The following TRRAP variants were observed in gnomAD, a reference collection of about 807,000 sequenced individuals.
TRRAP encodes the protein transformation/transcription domain associated protein.
In TRRAP, 41 loss-of-function variants were observed where a neutral mutation model predicts 438.8. The observed-to-expected ratio is 0.09, with a 90% CI of 0.07 to 0.12. The LOEUF (loss-of-function observed/expected upper bound fraction) is 0.12, where lower values mean the gene tolerates loss of function less well. Among genes scored for constraint, TRRAP ranks in the 10% least tolerant of loss-of-function variants. The pLI, the probability that TRRAP is intolerant of heterozygous loss-of-function variation, is 1.00. For synonymous variants in TRRAP, 1,994 were observed against 1,962.9 expected, an observed-to-expected ratio of 1.02 and a Z score of -0.42; for missense variants, 3,122 against 5,055.1, an observed-to-expected ratio of 0.62 and a Z score of 11.60.
Position 98,931,422 on chromosome 7 carries a change from C to T in TRRAP, c.3609C>T (p.Val1203=), listed in dbSNP as rs201815853. ...DLTGEVSNGA[V]AMAKTTLEQL... ...ACTTGCAGGTTTCCAATGGGGCAGT[C>T]GCTATGGCAAAGACCACGCTGGAGC... Residue 1203 remains valine, a synonymous_variant, in exon 26 of 73, where the codon GTC becomes GTT. Transcript: ENST00000456197. 2.2e-5 allele frequency: 35 copies of T among 1,613,784 alleles called. No homozygotes were observed. In the East Asian group the frequency reaches 3.1e-4, roughly 14 times the overall value.
At chr7:98,885,887 C>T (rs781987972) in intron 3 of TRRAP, among the ~76,000 whole-genome samples, 3 of 152,074 alleles carry the variant, frequency 2.0e-5, no homozygotes, top group Non-Finnish European at 4.4e-5. Context: ...AATATCTGAC[C>T]CTTTTGAGGT....
At chr7:99,006,121 T>C (rs190108534) in intron 69 of TRRAP, among the ~76,000 whole-genome samples, 413 of 152,222 alleles carry the variant, frequency 2.7e-3, no homozygotes, top group Middle Eastern at 6.8e-3. Flanking sequence ...CTGAATGAAG[T>C]CTTTGTCACT....
At chr7:98,889,807 G>A (rs913548504) in intron 3 of TRRAP, among the ~76,000 whole-genome samples, 6 of 151,992 alleles carry the variant, frequency 3.9e-5, no homozygotes, top group South Asian at 2.1e-4. Context: ...CTCCTGCCTC[G>A]GCCTCCCAAA....
rs1444799421 is a variant in TRRAP, at chr7:98,994,664, T to C, written c.10125T>C (p.Ala3375=). 1 of 1,614,206 alleles carries C rather than the reference T, an allele frequency of 6.2e-7. No individual in the cohort carries two copies. The highest frequency in any genetic ancestry group is 8.5e-7 in the Non-Finnish European group (1 of 1,180,038). The change falls in exon 67 of 73, where the codon GCT becomes GCC. Residue 3375 remains alanine, a synonymous_variant. Transcript: ENST00000456197. The surrounding 1 kb of genome is among the most constrained non-coding windows in gnomAD (Gnocchi z 4.8). ...AFEKSGAVSD[A]KITPHTLNFV... is the part of the protein sequence containing the mutation. Reference sequence around the variant, plus strand: ...AGAAAAGTGGAGCGGTGTCCGATGCTAAAATCACCCCCCACACTCTCAATT... The same window carrying C: ...AGAAAAGTGGAGCGGTGTCCGATGCCAAAATCACCCCCCACACTCTCAATT...
At chr7:98,996,251 C>T (rs543924573) in intron 67 of TRRAP, among the ~76,000 whole-genome samples, 9 of 152,194 alleles carry the variant, frequency 5.9e-5, no homozygotes, top group East Asian at 3.9e-4. Flanking sequence ...CCACATCCAC[C>T]GCGGTGCGCA....
rs552900006 is a variant in TRRAP at position 98,917,745 on chromosome 7, C to G, written c.2622+66C>G. The G allele has an allele frequency of 2.6e-4, 410 of 1,570,060 alleles. 3 individuals are homozygous for G. The South Asian group carries it at 4.6e-3, about 18-fold the overall frequency. ...AAGCAGTGGGCCGTCATTGGGTTCT[C>G]TGTACTCAAGAGTGGGCTCTGCAAG... is the stretch of plus-strand genomic sequence containing the variant. On this transcript the variant is annotated intron_variant, in intron 20 of 72. Transcript: ENST00000456197.
At chr7:98,911,583 A>G (rs1441444829) in intron 17 of TRRAP, among the ~76,000 whole-genome samples, 2 of 152,108 alleles carry the variant, frequency 1.3e-5, no homozygotes, top group African/African-American at 2.4e-5. Flanking sequence ...CTGGGCAACA[A>G]TGGTGAAACC....
chr7:98,951,078 TG>T, intron 39 of TRRAP, 74 bp downstream of exon 39: 3 of 1,310,102 alleles, frequency 2.3e-6, no homozygotes, highest in Non-Finnish European at 2.0e-6. Flanking sequence ...TGTGTGTGTG[TG>T]TGTGTGTGTG....
intron 3 of TRRAP, among the ~76,000 whole-genome samples, chr7:98,886,650 GA>G (rs1280439898): frequency 2.0e-5 from 3 of 152,104 alleles, no homozygotes; most frequent in African/African-American, 7.2e-5. Context: ...TTAAATACTA[GA>G]ATGACCATCA....
At chr7:98,997,117 C>T (rs953823361) in intron 67 of TRRAP, among the ~76,000 whole-genome samples, 2 of 151,808 alleles carry the variant, frequency 1.3e-5, no homozygotes, top group African/African-American at 4.8e-5. Context: ...ACCAGCCTGA[C>T]CAACATGGTG....
At chr7:98,954,367 T>G (rs1554418996) in intron 40 of TRRAP, among the ~76,000 whole-genome samples, 2 of 152,244 alleles carry the variant, frequency 1.3e-5, no homozygotes, top group African/African-American at 2.4e-5. Flanking sequence ...TCACTGATAG[T>G]TCTTCTGTGA....
At chr7:98,931,230 G>T (rs1306578187) in intron 25 of TRRAP, among the ~76,000 whole-genome samples, 175 bp from the exon 26 acceptor site, 10 of 152,202 alleles carry the variant, frequency 6.6e-5, no homozygotes, top group Admixed American at 6.5e-4. Flanking sequence ...TTTCTGATTA[G>T]GTGACTTAGG....
intron 40 of TRRAP, among the ~76,000 whole-genome samples, chr7:98,953,905 A>G (rs1554418895): frequency 6.6e-6 from 1 of 151,850 alleles, no homozygotes; most frequent in South Asian, 2.1e-4. Context: ...CCCCATTCCC[A>G]CTCTGCTCTC....
intron 9 of TRRAP, 80 bp from the exon 10 acceptor site, chr7:98,899,599 T>C: frequency 1.2e-6 from 2 of 1,604,122 alleles, no homozygotes; most frequent in Non-Finnish European, 1.7e-6. Context: ...TGCTAAATAA[T>C]GTGATGATTC....
In TRRAP at chr7:98,948,187, C is replaced by T. The variant is rs782646603; in HGVS notation, c.4549-34C>T. 60 of 1,612,390 alleles carry T rather than the reference C, an allele frequency of 3.7e-5. No individual in the cohort carries two copies. The highest frequency in any genetic ancestry group is 2.7e-4 in the East Asian group (12 of 44,890). ...GACCTCTGTCACTTGCAAAATTAAT[C>T]GACCTGTTTATAATTTCTGGTTTTC... On this transcript the variant is annotated intron_variant, in intron 33 of 72. Transcript: ENST00000456197. The surrounding 1 kb of genome is among the most constrained non-coding windows in gnomAD (Gnocchi z 4.9).
chr7:98,958,559 C>CA (rs1327855283), intron 44 of TRRAP, among the ~76,000 whole-genome samples: 1 of 152,128 alleles, frequency 6.6e-6, no homozygotes, highest in African/African-American at 2.4e-5. Context: ...CTTGGCCTCC[C>CA]AAAGTGCTGG....
At chr7:98,902,267 G>A (rs1796505443) in intron 11 of TRRAP, among the ~76,000 whole-genome samples, 1 of 152,108 alleles carries the variant, frequency 6.6e-6, no homozygotes, top group Admixed American at 6.6e-5. Context: ...GAGACTGTAT[G>A]GTGGATTTTT....
rs185878177 is a variant in TRRAP, at chr7:98,959,570, A to G, written c.6489+80A>G. ...ACTGTCACCTGGGCAGGGACTGGAC[A>G]TTTGTGGATCACTCTGACCCTTATG... is the stretch of plus-strand genomic sequence containing the variant. On this transcript the variant is annotated intron_variant, in intron 45 of 72. Transcript: ENST00000456197. The G allele has an allele frequency of 1.0e-5, 16 of 1,550,410 alleles. No individual in the cohort carries two copies. In the South Asian group the frequency reaches 1.5e-4, roughly 14 times the overall value.
rs557385921 is a variant in TRRAP, at chr7:98,925,145, G to T, written c.2857G>T (p.Ala953Ser). The change falls in exon 22 of 73, where the codon GCC (alanine) becomes TCC (serine). Residue 953 changes from alanine to serine, a missense_variant. Ala to Ser is a moderately conservative substitution (Grantham distance 99). This residue lies in a region of TRRAP where 133 missense variants were observed against 188.6 expected (regional missense o/e 0.71). Coordinates refer to ENST00000456197, the MANE Select transcript of TRRAP (RefSeq NM_001375524.1). ...IETALDCLKS[A>S]NTEPYYRRQA... ...AACTGCTCTGGACTGCCTGAAAAGC[G>T]CCAACACTGAGCCCTACTACCGGAG... The T allele has an allele frequency of 6.2e-7, 1 of 1,614,040 alleles. No homozygotes were observed. The highest frequency in any genetic ancestry group is 1.3e-5 in the African/African-American group (1 of 74,926).
Sources: gnomAD v4.1 joint callset for allele counts (sites outside exome capture counted in the v4.1 genomes callset) on GRCh38, gnomAD v4.1.1 for gene constraint, gnomAD v4.1.1 regional missense constraint, Gnocchi (gnomAD v3.1) non-coding constraint, MANE v1.5 for transcripts, NCBI Gene and HGNC (gene_info 2026-07-23, HGNC 2026-07-21) for gene names.